The following MAP3K20 variants were observed in gnomAD, a reference collection of about 807,000 sequenced individuals.
MAP3K20 encodes HCCS-4.
In MAP3K20, 40 loss-of-function variants were observed where a neutral mutation model predicts 85.7. The ratio of observed to expected loss-of-function variants is 0.47; its 90% CI spans 0.36 to 0.61. MAP3K20 has a LOEUF of 0.61. Ranked by LOEUF, MAP3K20 falls within the 20% of genes least tolerant of loss-of-function variation. The pLI is 0.00. For missense variants in MAP3K20, 817 were observed against 961.7 expected, an observed-to-expected ratio of 0.85 and a Z score of 1.99; for synonymous variants, 325 against 327.7, an observed-to-expected ratio of 0.99 and a Z score of 0.09.
At chr2:173,235,162 T>A (rs928076528) in intron 14 of MAP3K20, among the ~76,000 whole-genome samples, 2 of 152,124 alleles carry the variant, frequency 1.3e-5, no homozygotes, top group African/African-American at 4.8e-5. Context: ...AGTGTGAAGA[T>A]GTGTTGCAAG....
intron 1 of MAP3K20, among the ~76,000 whole-genome samples, chr2:173,089,588 CCT>C (rs200220932): frequency 1.8e-5 from 2 of 112,304 alleles, no homozygotes; most frequent in Non-Finnish European, 2.4e-5. Flanking sequence ...ATCGTGTTTC[CCT>C]TTTTTTTTTT....
At chr2:173,193,932 C>T (rs771768638) in intron 7 of MAP3K20, among the ~76,000 whole-genome samples, 19 of 152,168 alleles carry the variant, frequency 1.2e-4, no homozygotes, top group Admixed American at 5.2e-4. Flanking sequence ...GAAACAAACT[C>T]GACCACCAGC....
chr2:173,159,019 A>G (rs1336594068), intron 2 of MAP3K20, among the ~76,000 whole-genome samples: 1 of 152,262 alleles, frequency 6.6e-6, no homozygotes, highest in African/African-American at 2.4e-5. Context: ...AGGGATCTGA[A>G]TGACAATTTT....
Position 173,248,811 on chromosome 2 carries a change from C to T in MAP3K20, c.1359+9315C>T, listed in dbSNP as rs79509388. Among the ~76,000 whole-genome samples the T allele has an allele frequency of 2.1e-3, 316 of 152,308 alleles. 1 individual carries two copies. The highest frequency in any genetic ancestry group is 7.3e-3 in the African/African-American group (304 of 41,562). On this transcript the variant is annotated intron_variant, in intron 16 of 19. Coordinates refer to ENST00000375213, the MANE Select transcript of MAP3K20 (RefSeq NM_016653.3). ...ATCAGCTCATGAGAGCTGGCTCCAG[C>T]ACACTATTGGGTCTCTCTTAGTCTT...
chr2:173,210,045 T>TGTAA (rs921766592), intron 10 of MAP3K20: 5 of 556,260 alleles, frequency 9.0e-6, no homozygotes, highest in African/African-American at 7.6e-5. Context: ...TGTTGCCTTG[T>TGTAA]GTAAGTATTT....
At chr2:173,234,775 T>C (rs1384290949) in intron 14 of MAP3K20, among the ~76,000 whole-genome samples, 3 of 152,032 alleles carry the variant, frequency 2.0e-5, no homozygotes, top group East Asian at 1.9e-4. Flanking sequence ...GGAAGGAAGG[T>C]GGGGCCGGAT....
intron 10 of MAP3K20, 113 bp from the exon 11 acceptor site, chr2:173,217,002 G>C: frequency 9.2e-7 from 1 of 1,088,156 alleles, no homozygotes; most frequent in Non-Finnish European, 1.2e-6. Flanking sequence ...TTACCTGGTT[G>C]ATTTTAAAGC....
intron 2 of MAP3K20, among the ~76,000 whole-genome samples, chr2:173,108,990 T>C (rs1687864836): frequency 6.6e-6 from 1 of 152,222 alleles, no homozygotes; most frequent in Admixed American, 6.5e-5. Flanking sequence ...TTTTCAATCA[T>C]GCAAAGTACC....
At chr2:173,106,414 A>T (rs1687784907) in intron 2 of MAP3K20, among the ~76,000 whole-genome samples, 1 of 152,240 alleles carries the variant, frequency 6.6e-6, no homozygotes, top group African/African-American at 2.4e-5. Flanking sequence ...TTTGACAAAG[A>T]TGCCAAGGCA....
At chr2:173,083,355 T>G (rs1325052334) in intron 1 of MAP3K20, among the ~76,000 whole-genome samples, 2 of 151,838 alleles carry the variant, frequency 1.3e-5, no homozygotes, top group Non-Finnish European at 2.9e-5. Context: ...TATTTTTTTA[T>G]TTTTTATTTT....
chr2:173,209,881 C>A, intron 10 of MAP3K20, 46 bp downstream of exon 10: 1 of 1,470,686 alleles, frequency 6.8e-7, no homozygotes, highest in Non-Finnish European at 9.5e-7. Context: ...TTTCAAAGAC[C>A]ATCACTCGTC....
At chr2:173,104,241 C>T (rs938895363) in intron 2 of MAP3K20, among the ~76,000 whole-genome samples, 1 of 152,154 alleles carries the variant, frequency 6.6e-6, no homozygotes, top group Non-Finnish European at 1.5e-5. Flanking sequence ...AGGTTGATAA[C>T]GTGTATCCCA....
At chr2:173,151,165 T>C (rs1194609089) in intron 2 of MAP3K20, among the ~76,000 whole-genome samples, 1 of 152,014 alleles carries the variant, frequency 6.6e-6, no homozygotes, top group Non-Finnish European at 1.5e-5. Flanking sequence ...GGCAAGGGTG[T>C]AGAGAAGTTA....
chr2:173,098,217 C>A (rs953753495), intron 2 of MAP3K20, among the ~76,000 whole-genome samples: 3 of 152,162 alleles, frequency 2.0e-5, no homozygotes, highest in East Asian at 1.9e-4. Context: ...ATAACTCGTC[C>A]AAAGCGGTGC....
intron 3 of MAP3K20, among the ~76,000 whole-genome samples, chr2:173,181,423 A>G (rs1033972320): frequency 6.6e-6 from 1 of 152,152 alleles, no homozygotes; most frequent in Non-Finnish European, 1.5e-5. Context: ...TGAAACCCTC[A>G]TACGTTGCTG....
At chr2:173,176,242 TTTTA>T (rs1367231380) in intron 3 of MAP3K20, among the ~76,000 whole-genome samples, 2 of 152,146 alleles carry the variant, frequency 1.3e-5, no homozygotes, top group Non-Finnish European at 2.9e-5. Context: ...GTTTTCCTAC[TTTTA>T]TTTTTGTTTT....
chr2:173,209,897 G>A, intron 10 of MAP3K20, 62 bp downstream of exon 10: 1 of 1,358,890 alleles, frequency 7.4e-7, no homozygotes, highest in Non-Finnish European at 1.1e-6. Context: ...TCGTCTCAAT[G>A]AAGAAGTGAA....
chr2:173,186,803 T>G (rs1358927724), intron 4 of MAP3K20, among the ~76,000 whole-genome samples: 1 of 152,100 alleles, frequency 6.6e-6, no homozygotes, highest in Non-Finnish European at 1.5e-5. Context: ...CAAAAACTAC[T>G]AAGGTGGTAA....
rs188800549 is a variant in MAP3K20 at position 173,189,519 on chromosome 2, A to G, written c.416-1376A>G. On this transcript the variant is annotated intron_variant, in intron 5 of 19. Coordinates refer to ENST00000375213, the MANE Select transcript of MAP3K20 (RefSeq NM_016653.3). The stretch of plus-strand genomic sequence containing the variant: ...CCTATTTACATATTAACACTCAAAA[A>G]CAGATCTCAACTTCAAAACTATTTT... 2.4e-4 allele frequency among the ~76,000 whole-genome samples: 36 copies of G among 152,308 alleles called. No homozygotes were observed. In the East Asian group the frequency reaches 6.7e-3, roughly 29 times the overall value.
Sources: gnomAD v4.1 joint callset for allele counts (sites outside exome capture counted in the v4.1 genomes callset) on GRCh38, gnomAD v4.1.1 for gene constraint, MANE v1.5 for transcripts, NCBI Gene and HGNC (gene_info 2026-07-23, HGNC 2026-07-21) for gene names.